Variants in UGCG observed in about 807,000 individuals in gnomAD.
The protein encoded by UGCG is UDP-glucose ceramide glucosyltransferase.
In UGCG, 10 loss-of-function variants were observed where a neutral mutation model predicts 49.5. The ratio of observed to expected loss-of-function variants is 0.20; its 90% confidence interval spans 0.12 to 0.34. UGCG has a LOEUF of 0.34. UGCG is among the 10% of genes least tolerant of loss of function. The probability of loss-of-function intolerance (pLI) is 1.00; values close to 1 mark genes in which losing one functional copy is unlikely to be tolerated. For synonymous variants in UGCG, 182 were observed against 158.2 expected, an observed-to-expected ratio of 1.15 and a Z score of -1.13; for missense variants, 312 against 483.7, an observed-to-expected ratio of 0.65 and a Z score of 3.33.
rs553199257 is a variant in UGCG at position 111,913,216 on chromosome 9, T to C, written c.99-1389T>C. 6.6e-5 allele frequency among the ~76,000 whole-genome samples: 10 copies of C among 152,386 alleles called. No homozygotes were observed. In the South Asian group the frequency reaches 1.7e-3, roughly 25 times the overall value. ...AGAGATGTTAAAATGTGGAAGAACA[T>C]GTGTCTTAGAATATCTTGCAGATGG... On this transcript the variant is annotated intron_variant, in intron 1 of 8. Transcript: ENST00000374279.
At position 111,901,247 on chromosome 9, in the gene UGCG, A is replaced by C. The variant is rs555860297; in HGVS notation, c.98+3934A>C. Among the ~76,000 whole-genome samples, 7 of 152,292 alleles carry C rather than the reference A, an allele frequency of 4.6e-5. No homozygotes were observed. In the South Asian group the frequency reaches 1.2e-3, roughly 27 times the overall value. ...AAAAACTGGTTATGTTTTTCATGTA[A>C]ATTTTAGCATTTGGGATATTATTTT... On this transcript the variant is annotated intron_variant, in intron 1 of 8. Transcript: ENST00000374279.
Position 111,932,184 on chromosome 9 carries a change from G to A in UGCG, c.839G>A (p.Arg280Gln). The A allele has an allele frequency of 2.5e-6, 4 of 1,613,864 alleles. No individual in the cohort carries two copies. The highest frequency in any genetic ancestry group is 3.4e-6 in the Non-Finnish European group (4 of 1,179,886). ...TGTTTTTCCAGGTGGACCAAACTAC[G>A]AATTAACATGCTTCCTGCTACAATA... is the stretch of plus-strand genomic sequence containing the variant. ...QSRMIRWTKL[R>Q]INMLPATIIC... Residue 280 changes from arginine (R) to glutamine (Q), a missense_variant, in exon 8 of 9, where the codon CGA becomes CAA. Coordinates refer to ENST00000374279, the MANE Select transcript of UGCG (RefSeq NM_003358.3).
intron 4 of UGCG, among the ~76,000 whole-genome samples, chr9:111,925,879 A>G (rs1408163066): frequency 6.6e-6 from 1 of 152,212 alleles, no homozygotes; most frequent in Admixed American, 6.5e-5. Flanking sequence ...CATATTTGCT[A>G]TCTTAAATTA....
intron 4 of UGCG, among the ~76,000 whole-genome samples, chr9:111,926,019 A>G (rs1479795052): frequency 6.6e-6 from 1 of 152,246 alleles, no homozygotes; most frequent in East Asian, 1.9e-4. Context: ...AGAAGCCAGC[A>G]CGAGAACTGA....
At position 111,928,996 on chromosome 9, in the gene UGCG, C is replaced by T. The variant is rs57292466; in HGVS notation, c.559-504C>T. Among the ~76,000 whole-genome samples the T allele has an allele frequency of 7.4e-3, 1,121 of 152,022 alleles. 21 individuals are homozygous for T. Among genetic ancestry groups the T allele is most frequent in the African/African-American group, 0.026 (1,060 of 41,434 alleles). On this transcript the variant is annotated intron_variant, in intron 5 of 8. Coordinates refer to ENST00000374279, the MANE Select transcript of UGCG (RefSeq NM_003358.3). ...TGACTAAGGGAGAGGGAGCAGCTAGCTACAAAAGGATGCAAGAAAAGGAAT... is the reference window on the plus strand; with the variant it reads ...TGACTAAGGGAGAGGGAGCAGCTAGTTACAAAAGGATGCAAGAAAAGGAAT...
chr9:111,910,391 T>G (rs1041879984), intron 1 of UGCG, among the ~76,000 whole-genome samples: 6 of 152,234 alleles, frequency 3.9e-5, no homozygotes, highest in Admixed American at 1.3e-4. Flanking sequence ...ACTGGGATTT[T>G]AGACCTTCTT....
In UGCG at chr9:111,933,047, T is replaced by A. The variant is rs1838455739; in HGVS notation, c.*50T>A. 2 of 1,353,494 alleles carry A rather than the reference T, an allele frequency of 1.5e-6. No individual in the cohort carries two copies. The highest frequency in any genetic ancestry group is 3.0e-5 in the African/African-American group (2 of 66,132). 83.8% of individuals were successfully genotyped at this position (1,353,494 alleles called of 1,614,324 possible). The stretch of plus-strand genomic sequence containing the variant: ...AGGAAAAAAGAGAAGTATTATAAAT[T>A]ATGTTTATATAAATGCTTTTAAAAA... On this transcript the variant is annotated 3_prime_UTR_variant, in exon 9 of 9. Transcript: ENST00000374279.
chr9:111,916,349 C>T (rs954836446), intron 2 of UGCG, among the ~76,000 whole-genome samples: 9 of 152,224 alleles, frequency 5.9e-5, no homozygotes, highest in African/African-American at 2.2e-4. Flanking sequence ...TTTCCCCATT[C>T]AACCACTCTT....
chr9:111,925,544 A>G (rs985761157), intron 4 of UGCG, among the ~76,000 whole-genome samples: 4 of 152,226 alleles, frequency 2.6e-5, no homozygotes, highest in African/African-American at 9.6e-5. Flanking sequence ...TCTCAGTAGT[A>G]AAAGCAAAAA....
Position 111,897,096 on chromosome 9 carries a change from T to C in UGCG, c.-120T>C. ...CCCCACCCCCCTCCGCCCTTTCCTCTCCCCACCTTCCTCTCGCCTCCCGCG... is the reference window on the plus strand; with the variant it reads ...CCCCACCCCCCTCCGCCCTTTCCTCCCCCCACCTTCCTCTCGCCTCCCGCG... On this transcript the variant is annotated 5_prime_UTR_variant, in exon 1 of 9. Transcript: ENST00000374279. 1 of 360,220 alleles carries C rather than the reference T, an allele frequency of 2.8e-6. No homozygotes were observed. Among genetic ancestry groups the C allele is most frequent in the Non-Finnish European group, 4.8e-6 (1 of 207,226 alleles). The allele number at this position is 360,220 out of a possible 1,614,324, so 22.3% of individuals were successfully genotyped here. A position where few individuals can be genotyped will look rare whatever the true frequency, so the allele number is the denominator to read the frequency against.
intron 1 of UGCG, among the ~76,000 whole-genome samples, chr9:111,900,542 G>A (rs974649724): frequency 3.9e-5 from 6 of 152,082 alleles, no homozygotes; most frequent in African/African-American, 1.4e-4. Context: ...GCTTAGGCTG[G>A]AGTGCAATGG....
At chr9:111,913,944 C>A (rs538140264) in intron 1 of UGCG, among the ~76,000 whole-genome samples, 2 of 152,162 alleles carry the variant, frequency 1.3e-5, no homozygotes, top group South Asian at 4.1e-4. Flanking sequence ...CCATTCTGAC[C>A]TTATTAATAT....
chr9:111,925,170 A>T (rs1838294797), intron 4 of UGCG, among the ~76,000 whole-genome samples: 1 of 152,162 alleles, frequency 6.6e-6, no homozygotes, highest in Admixed American at 6.6e-5. Flanking sequence ...CATGGGTGTA[A>T]CTTTTCCCTT....
Position 111,932,893 on chromosome 9 carries a change from A to G in UGCG, c.1081A>G (p.Ile361Val), listed in dbSNP as rs1285504793. The change falls in exon 9 of 9, where the codon ATA becomes GTA. Residue 361 changes from isoleucine to valine, a missense_variant. By Grantham distance (29) the Ile-to-Val change is conservative. This residue lies in a region of UGCG where 180 missense variants were observed against 320.4 expected (regional missense o/e 0.56). Coordinates refer to ENST00000374279, the MANE Select transcript of UGCG (RefSeq NM_003358.3). ...CTGGTTCATCCGCGAATCCATGACA[A>G]TATACATTTTTTTGTCTGCATTATG... ...VAWFIRESMTIYIFLSALWDP... is the reference protein window; with the variant it reads ...VAWFIRESMTVYIFLSALWDP... The G allele has an allele frequency of 3.1e-6, 5 of 1,612,590 alleles. No homozygotes were observed. The highest frequency in any genetic ancestry group is 2.2e-5 in the South Asian group (2 of 90,844).
intron 1 of UGCG, among the ~76,000 whole-genome samples, chr9:111,911,539 T>A (rs2118524288): frequency 6.6e-6 from 1 of 152,190 alleles, no homozygotes; most frequent in South Asian, 2.1e-4. Flanking sequence ...GGGGGGCCAG[T>A]GGTGACAGAT....
intron 1 of UGCG, among the ~76,000 whole-genome samples, chr9:111,899,468 C>T (rs1837728075): frequency 6.6e-6 from 1 of 152,114 alleles, no homozygotes; most frequent in Non-Finnish European, 1.5e-5. Flanking sequence ...AATCCTTTGC[C>T]TGTGCTGCAA....
chr9:111,905,459 C>G (rs77991372), intron 1 of UGCG, among the ~76,000 whole-genome samples: 7 of 145,848 alleles, frequency 4.8e-5, no homozygotes, highest in Non-Finnish European at 9.1e-5. Context: ...ATGCATTACT[C>G]TTTTTTTTTT....
At chr9:111,912,530 A>G (rs989731288) in intron 1 of UGCG, among the ~76,000 whole-genome samples, 4 of 151,914 alleles carry the variant, frequency 2.6e-5, no homozygotes, top group African/African-American at 9.7e-5. Flanking sequence ...AGTAGCTGAG[A>G]TCGCACCACT....
chr9:111,929,969 C>A (rs1456978049), intron 6 of UGCG, among the ~76,000 whole-genome samples: 1 of 152,026 alleles, frequency 6.6e-6, no homozygotes, highest in African/African-American at 2.4e-5. Context: ...CAGGCATGTA[C>A]CACCATGCAC....
Sources: gnomAD v4.1 joint callset for allele counts (sites outside exome capture counted in the v4.1 genomes callset) on GRCh38, gnomAD v4.1.1 for gene constraint, gnomAD v4.1.1 regional missense constraint, MANE v1.5 for transcripts, NCBI Gene and HGNC (gene_info 2026-07-23, HGNC 2026-07-21) for gene names.